The following NAALAD2 variants were observed in gnomAD, a reference collection of about 807,000 sequenced individuals.
NAALAD2 encodes the protein N-acetylated alpha-linked acidic dipeptidase 2.
Under a neutral mutation model 95.6 loss-of-function variants are expected in NAALAD2, and 89 were observed. The observed-to-expected ratio is 0.93, with a 90% CI of 0.78 to 1.11. The LOEUF (loss-of-function observed/expected upper bound fraction) is 1.11. Among genes scored for constraint, NAALAD2 ranks in the 50% least tolerant of loss-of-function variants. The pLI, the probability that NAALAD2 is intolerant of heterozygous loss-of-function variation, is 0.00. For synonymous variants in NAALAD2, 264 were observed against 294.4 expected (o/e 0.90, Z 1.06); for missense variants, 894 against 872.4 (o/e 1.02, Z -0.31).
intron 18 of NAALAD2, among the ~76,000 whole-genome samples, chr11:90,190,034 G>C (rs1028148759): frequency 3.3e-5 from 5 of 152,102 alleles, no homozygotes; most frequent in African/African-American, 1.2e-4. Context: ...TTCATAAAAG[G>C]GTATTTGAGT....
At chr11:90,191,220 C>T (rs1274615452) in intron 18 of NAALAD2, among the ~76,000 whole-genome samples, 3 of 152,118 alleles carry the variant, frequency 2.0e-5, no homozygotes, top group Non-Finnish European at 2.9e-5. Context: ...TCTCCTCTTA[C>T]TAAAAACATC....
At chr11:90,164,590 TTAATAA>T (rs112718992) in intron 11 of NAALAD2, among the ~76,000 whole-genome samples, 2,085 of 152,198 alleles carry the variant, frequency 0.014, 50 homozygotes, top group African/African-American at 0.048. Flanking sequence ...TTATCATGTA[TTAATAA>T]TAATAATTGT....
At chr11:90,169,832 G>T in intron 12 of NAALAD2, 3 of 469,936 alleles carry the variant, frequency 6.4e-6, no homozygotes, top group Non-Finnish European at 1.1e-5. Context: ...TAATCACTGT[G>T]ACAGCTGCTG....
At chr11:90,158,984 C>T in intron 7 of NAALAD2, 1 of 383,778 alleles carries the variant, frequency 2.6e-6, no homozygotes, top group Admixed American at 4.4e-5. Flanking sequence ...GATAGCCTTC[C>T]CATTTGCCAT....
At chr11:90,132,703 G>A (rs1336820818), upstream of NAALAD2, among the ~76,000 whole-genome samples, 1 of 152,092 alleles carries the variant, frequency 6.6e-6, no homozygotes, top group Non-Finnish European at 1.5e-5. Flanking sequence ...CCATATTTGA[G>A]GGGTTTAGTT....
intron 2 of NAALAD2, among the ~76,000 whole-genome samples, chr11:90,145,053 T>C (rs921214766): frequency 6.6e-6 from 1 of 152,098 alleles, no homozygotes; most frequent in African/African-American, 2.4e-5. Flanking sequence ...CATAAGCCAA[T>C]CATTACCCTC....
intron 8 of NAALAD2, chr11:90,162,470 A>G (rs892505378): frequency 6.6e-6 from 1 of 152,044 alleles, no homozygotes; most frequent in African/African-American, 2.4e-5. Flanking sequence ...CCATAATCAT[A>G]AAGAAAATTT....
chr11:90,146,594 A>G (rs1313878030), intron 2 of NAALAD2, among the ~76,000 whole-genome samples: 1 of 151,856 alleles, frequency 6.6e-6, no homozygotes, highest in Non-Finnish European at 1.5e-5. Flanking sequence ...TGAACTCCTG[A>G]CCTCAGTTGA....
At chr11:90,148,220 G>A (rs1286487476) in intron 3 of NAALAD2, among the ~76,000 whole-genome samples, 5 of 152,142 alleles carry the variant, frequency 3.3e-5, no homozygotes, top group African/African-American at 4.8e-5. Flanking sequence ...TAAAGTTGTT[G>A]TCTTAAGACA....
chr11:90,136,800 T>A (rs1158763091), intron 2 of NAALAD2, among the ~76,000 whole-genome samples: 1 of 152,152 alleles, frequency 6.6e-6, no homozygotes, highest in Non-Finnish European at 1.5e-5. Flanking sequence ...AGTTTGATGA[T>A]AAGCATAAGT....
intron 13 of NAALAD2, among the ~76,000 whole-genome samples, chr11:90,171,328 C>CT (rs1367538932): frequency 6.6e-6 from 1 of 152,132 alleles, no homozygotes; most frequent in Non-Finnish European, 1.5e-5. Flanking sequence ...TTTTTCATGT[C>CT]TTTAAAAACT....
chr11:90,185,079 G>T lies in NAALAD2; in HGVS notation c.2033+2071G>T, dbSNP rs566135697. ...GGGAGTTGAGCATCCTTAAATTCTG[G>T]TATCCAAAGGGGATTCTGGAACCAA... On this transcript the variant is annotated intron_variant, in intron 18 of 18. Transcript: ENST00000534061. 4.6e-5 allele frequency among the ~76,000 whole-genome samples: 7 copies of T among 151,922 alleles called. No individual in the cohort carries two copies. The South Asian group carries it at 1.5e-3, about 32-fold the overall frequency.
rs758683099 is a variant in NAALAD2 at position 90,170,105 on chromosome 11, T to C, written c.1379T>C (p.Leu460Pro). The stretch of plus-strand genomic sequence containing the variant: ...CTCAGAGTTGACTGTACTCCCCTTC[T>C]TTACCAATTAGTGTATAAACTGACA... ...YTLRVDCTPLLYQLVYKLTKE... is the reference protein window; with the variant it reads ...YTLRVDCTPLPYQLVYKLTKE... The change falls in exon 13 of 19, where the codon CTT becomes CCT. Residue 460 changes from leucine to proline, a missense_variant. Leu to Pro is a moderately conservative substitution (Grantham distance 98, BLOSUM62 -3). Transcript: ENST00000534061. 6.3e-7 allele frequency: 1 copy of C among 1,593,238 alleles called. No individual in the cohort carries two copies. Among genetic ancestry groups the C allele is most frequent in the South Asian group, 1.1e-5 (1 of 90,624 alleles).
At chr11:90,190,024 T>G (rs1290563822) in intron 18 of NAALAD2, among the ~76,000 whole-genome samples, 2 of 152,202 alleles carry the variant, frequency 1.3e-5, no homozygotes. Flanking sequence ...AGTCCACCAT[T>G]TCATAAAAGG....
Position 90,163,374 on chromosome 11 carries a change from TG to T in NAALAD2, c.1144del (p.Val382LeufsTer14), listed in dbSNP as rs762564730. The part of the protein sequence containing the change: ...WVFGAIDPTS[G>X]VAVLQEIARS... The stretch of plus-strand genomic sequence containing the variant: ...TATTTGGAGCTATTGACCCAACCAG[TG>T]GGGTTGCTGTTTTGCAAGAAATTGC... On this transcript the variant is annotated frameshift_variant, in exon 10 of 19. Coordinates refer to ENST00000534061, the MANE Select transcript of NAALAD2 (RefSeq NM_005467.4). LOFTEE classifies it high-confidence loss of function. 34 of 1,613,952 alleles carry T rather than the reference TG, an allele frequency of 2.1e-5. No homozygotes were observed. The highest frequency in any genetic ancestry group is 3.4e-6 in the Non-Finnish European group (4 of 1,179,910).
At chr11:90,168,371 G>T (rs977143692) in intron 11 of NAALAD2, among the ~76,000 whole-genome samples, 2 of 152,234 alleles carry the variant, frequency 1.3e-5, no homozygotes, top group Non-Finnish European at 2.9e-5. Context: ...TCTGGACACA[G>T]TGGCACACAC....
intron 6 of NAALAD2, among the ~76,000 whole-genome samples, chr11:90,153,426 T>G (rs1194080033): frequency 1.3e-5 from 2 of 152,180 alleles, no homozygotes; most frequent in African/African-American, 4.8e-5. Context: ...GTGTTCTATT[T>G]GCTATGTCCT....
intron 2 of NAALAD2, among the ~76,000 whole-genome samples, chr11:90,146,343 ATTTTTTTTTTTTTTTTTTT>A (rs71477596): frequency 8.3e-5 from 4 of 47,944 alleles, no homozygotes; most frequent in East Asian, 1.5e-3. Flanking sequence ...GGGGAGTTTA[ATTTTTTTTTTTTTTTTTTT>A]TTTTTTTTTT....
At chr11:90,132,999 A>G (rs1367325967), upstream of NAALAD2, among the ~76,000 whole-genome samples, 1 of 152,228 alleles carries the variant, frequency 6.6e-6, no homozygotes, top group Non-Finnish European at 1.5e-5. Context: ...GGTATGCTAC[A>G]AAAGTTTCAA....
Sources: allele counts gnomAD v4.1 joint callset (sites outside exome capture counted in the v4.1 genomes callset), GRCh38; gene constraint gnomAD v4.1.1; transcripts MANE v1.5; gene names NCBI Gene and HGNC (gene_info 2026-07-23, HGNC 2026-07-21).